The following JAK1 variants were observed in gnomAD, a reference collection of about 807,000 sequenced individuals.
JAK1 encodes the protein Janus kinase 1, also known as tyrosine-protein kinase JAK1.
JAK1 carries 16 observed loss-of-function variants against 136.6 expected under a neutral mutation model. The ratio of observed to expected loss-of-function variants is 0.12; its 90% confidence interval spans 0.08 to 0.18. The LOEUF (loss-of-function observed/expected upper bound fraction) is 0.18. JAK1 is among the 10% of genes least tolerant of loss of function. The pLI, the probability that JAK1 is intolerant of heterozygous loss-of-function variation, is 1.00. For synonymous variants in JAK1, 492 were observed against 519.5 expected, an observed-to-expected ratio of 0.95 and a Z score of 0.72; for missense variants, 859 against 1,450.1, an observed-to-expected ratio of 0.59 and a Z score of 6.62.
Position 64,966,546 on chromosome 1 carries a change from A to T in JAK1, c.-291T>A, listed in dbSNP as rs1371908450. 6.7e-6 allele frequency: 1 copy of T among 148,936 alleles called. No homozygotes were observed. The highest frequency in any genetic ancestry group is 1.5e-5 in the Non-Finnish European group (1 of 66,948). The allele number at this position is 148,936 out of a possible 1,614,324, so 9.2% of individuals were successfully genotyped here. ...CGGCCGCCGCGGCCTGCGCTCAGCG[A>T]CGCACCGCCTCCCGTCCCGCCCCGC... On this transcript the variant is annotated 5_prime_UTR_variant, in exon 1 of 25. Transcript: ENST00000342505.
intron 2 of JAK1, 98 bp downstream of exon 2, chr1:64,886,161 C>A: frequency 1.4e-6 from 1 of 732,388 alleles, no homozygotes; most frequent in South Asian, 1.7e-5. Context: ...AAATTAAAGG[C>A]AATAGCACCA....
intron 8 of JAK1, among the ~76,000 whole-genome samples, chr1:64,860,929 CGTGT>C (rs577274261): frequency 0.095 from 4,444 of 46,736 alleles, 547 homozygotes; most frequent in East Asian, 0.41. Context: ...CCCCTGGGTC[CGTGT>C]GTGTGTGTGT....
intron 1 of JAK1, among the ~76,000 whole-genome samples, chr1:65,045,514 T>C (rs1647176402): frequency 7.0e-6 from 1 of 143,356 alleles, no homozygotes; most frequent in Admixed American, 6.7e-5. Flanking sequence ...GTGGGAAGCA[T>C]GAAATCATGG....
At chr1:65,055,616 A>G (rs1324974580) in intron 1 of JAK1, among the ~76,000 whole-genome samples, 2 of 152,216 alleles carry the variant, frequency 1.3e-5, no homozygotes, top group Non-Finnish European at 2.9e-5. Flanking sequence ...TATACCAACC[A>G]AACACACACT....
chr1:65,055,565 A>C (rs1647494724), intron 1 of JAK1, among the ~76,000 whole-genome samples: 1 of 152,232 alleles, frequency 6.6e-6, no homozygotes, highest in Non-Finnish European at 1.5e-5. Context: ...TTGCAATCTT[A>C]CCATCTCACA....
intron 2 of JAK1, among the ~76,000 whole-genome samples, chr1:64,994,363 C>T (rs1646684350): frequency 6.6e-6 from 1 of 152,136 alleles, no homozygotes; most frequent in Admixed American, 6.5e-5. Context: ...TGTAATGAGC[C>T]CGGAAGGAAC....
intron 1 of JAK1, among the ~76,000 whole-genome samples, chr1:64,945,594 AG>A (rs1408987997): frequency 6.6e-6 from 1 of 152,242 alleles, no homozygotes; most frequent in East Asian, 1.9e-4. Flanking sequence ...AATAAAAAAA[AG>A]AATACGAATA....
chr1:64,854,092 C>T (rs1218040622), intron 11 of JAK1, among the ~76,000 whole-genome samples: 1 of 152,238 alleles, frequency 6.6e-6, no homozygotes, highest in Non-Finnish European at 1.5e-5. Context: ...TTCTCTGAGC[C>T]TGGCAGGAAC....
rs924513221 is a variant in JAK1, at chr1:64,844,828, C to A, written c.2177G>T (p.Gly726Val). Residue 726 changes from glycine to valine, a missense_variant, in exon 16 of 25, where the codon GGC becomes GTC. Coordinates refer to ENST00000342505, the MANE Select transcript of JAK1 (RefSeq NM_002227.4). The surrounding 1 kb of genome is among the most constrained non-coding windows in gnomAD (Gnocchi z 5.7). Reference protein sequence around the residue: ...CTKNLLLAREGIDSECGPFIK... With the variant: ...CTKNLLLAREVIDSECGPFIK... Reference sequence around the variant, plus strand: ...GAATGGGCCACACTCACTGTCGATGCCCTCACGGGCCAGGAGGAGGTTTTT... The same window carrying A: ...GAATGGGCCACACTCACTGTCGATGACCTCACGGGCCAGGAGGAGGTTTTT... 6.2e-7 allele frequency: 1 copy of A among 1,614,150 alleles called. No individual in the cohort carries two copies. The highest frequency in any genetic ancestry group is 8.5e-7 in the Non-Finnish European group (1 of 1,179,974).
chr1:65,042,700 T>G (rs1240044556), intron 2 of JAK1, among the ~76,000 whole-genome samples: 1 of 152,172 alleles, frequency 6.6e-6, no homozygotes, highest in Non-Finnish European at 1.5e-5. Context: ...AACGGGGACT[T>G]TTCATTTTTT....
chr1:65,037,157 G>A (rs1040912870), intron 2 of JAK1, among the ~76,000 whole-genome samples: 2 of 152,152 alleles, frequency 1.3e-5, no homozygotes, highest in Non-Finnish European at 2.9e-5. Flanking sequence ...CTGCACTCCA[G>A]CCTGGGTGAC....
At chr1:64,850,960 C>G in intron 11 of JAK1, 50 bp from the exon 12 acceptor site, 1 of 1,291,734 alleles carries the variant, frequency 7.7e-7, no homozygotes. Flanking sequence ...GATCCGAGCT[C>G]TCAGACAGCC....
rs370900390 is a variant in JAK1, at chr1:64,955,799, T to C, written c.-78+10534A>G. Among the ~76,000 whole-genome samples the C allele has an allele frequency of 7.2e-4, 109 of 152,082 alleles. No individual in the cohort carries two copies. The Middle Eastern group carries it at 0.017, about 24-fold the overall frequency. ...AGGCTGCAGCAGTGGGGACAGCGAG[T>C]GGCAAAGGTGCTGAATACGAATACC... On this transcript the variant is annotated intron_variant, in intron 1 of 24. Coordinates refer to ENST00000342505, the MANE Select transcript of JAK1 (RefSeq NM_002227.4).
intron 1 of JAK1, among the ~76,000 whole-genome samples, chr1:64,910,288 CAT>C (rs1250063503): frequency 2.6e-5 from 4 of 151,970 alleles, no homozygotes; most frequent in Non-Finnish European, 5.9e-5. Context: ...CTGCTTTCCA[CAT>C]AGACATTAAG....
At chr1:64,838,384 CT>C (rs1231663939) in intron 21 of JAK1, 80 bp downstream of exon 21, 3 of 1,433,558 alleles carry the variant, frequency 2.1e-6, no homozygotes, top group Middle Eastern at 4.7e-4. Context: ...AACTTACCCA[CT>C]TAGAGTCAAA....
intron 10 of JAK1, among the ~76,000 whole-genome samples, chr1:64,856,761 T>C (rs1016388974): frequency 3.3e-5 from 5 of 152,168 alleles, no homozygotes; most frequent in African/African-American, 7.2e-5. Context: ...TGTTCCTGCA[T>C]TGCATCACCC....
chr1:65,023,858 C>G (rs542987537), intron 2 of JAK1, among the ~76,000 whole-genome samples: 1 of 151,260 alleles, frequency 6.6e-6, no homozygotes, highest in Non-Finnish European at 1.5e-5. Context: ...GGAGTCATAC[C>G]GTATTTATTA....
chr1:64,872,277 TG>T (rs1657117678), intron 5 of JAK1, among the ~76,000 whole-genome samples: 1 of 152,222 alleles, frequency 6.6e-6, no homozygotes, highest in African/African-American at 2.4e-5. Context: ...AAGAATCATC[TG>T]GGCCAAAAGG....
intron 1 of JAK1, among the ~76,000 whole-genome samples, chr1:64,951,025 C>G (rs1332596736): frequency 4.6e-5 from 7 of 152,048 alleles, no homozygotes; most frequent in African/African-American, 1.7e-4. Flanking sequence ...TGCTAATAAC[C>G]CTTAAACAGT....
Sources: gnomAD v4.1 joint callset for allele counts (sites outside exome capture counted in the v4.1 genomes callset) on GRCh38, gnomAD v4.1.1 for gene constraint, Gnocchi (gnomAD v3.1) non-coding constraint, MANE v1.5 for transcripts, NCBI Gene and HGNC (gene_info 2026-07-23, HGNC 2026-07-21) for gene names.